The following FOCAD variants were observed in gnomAD, a reference collection of about 807,000 sequenced individuals.
FOCAD encodes the protein KIAA1797.
FOCAD carries 198 observed loss-of-function variants against 225.6 expected under a neutral mutation model. The ratio of observed to expected loss-of-function variants is 0.88; its 90% CI spans 0.78 to 0.99. FOCAD has a LOEUF of 0.99. Among genes scored for constraint, FOCAD ranks in the 50% least tolerant of loss-of-function variants. The pLI, the probability that FOCAD is intolerant of heterozygous loss-of-function variation, is 0.00. For missense variants in FOCAD, 2,713 were observed against 2,123.6 expected (o/e 1.28, Z -5.46); for synonymous variants, 897 against 755.0 (o/e 1.19, Z -3.08).
Position 20,884,931 on chromosome 9 carries a change from C to T in FOCAD, c.2504-178C>T, listed in dbSNP as rs576586587. 5.9e-5 allele frequency among the ~76,000 whole-genome samples: 9 copies of T among 152,028 alleles called. No homozygotes were observed. The South Asian group carries it at 1.2e-3, about 21-fold the overall frequency. On this transcript the variant is annotated intron_variant, in intron 20 of 43. Coordinates refer to ENST00000338382, the MANE Select transcript of FOCAD (RefSeq NM_001375567.1). ...AAAATTAGCCGGGCATGGTGGCACA[C>T]GCTTGTAGTCCCAGCTACTCAGGAG...
At position 20,916,873 on chromosome 9, in the gene FOCAD, AT is replaced by A; in HGVS notation, c.2808-16del. On this transcript the variant is annotated intron_variant, in intron 23 of 43. Coordinates refer to ENST00000338382, the MANE Select transcript of FOCAD (RefSeq NM_001375567.1). ...CTTGTTCTAACATAAACTCTCGTCT[AT>A]TTTCCATCTTTATTGCAGGGTTAGA... 1 of 1,594,332 alleles carries A rather than the reference AT, an allele frequency of 6.3e-7. No homozygotes were observed. Among genetic ancestry groups the A allele is most frequent in the Non-Finnish European group, 8.5e-7 (1 of 1,173,008 alleles).
intron 23 of FOCAD, among the ~76,000 whole-genome samples, chr9:20,914,436 A>C (rs1000428434): frequency 6.6e-6 from 1 of 152,184 alleles, no homozygotes; most frequent in East Asian, 1.9e-4. Context: ...CAGAGAGTGA[A>C]TGAGGCTTGA....
chr9:20,950,033 A>G (rs1048330703), intron 33 of FOCAD, among the ~76,000 whole-genome samples: 1 of 152,146 alleles, frequency 6.6e-6, no homozygotes, highest in South Asian at 2.1e-4. Context: ...GCACTAATTC[A>G]GATGTCCCTG....
At chr9:20,803,302 C>T (rs1043254487) in intron 11 of FOCAD, among the ~76,000 whole-genome samples, 1 of 152,072 alleles carries the variant, frequency 6.6e-6, no homozygotes, top group Non-Finnish European at 1.5e-5. Flanking sequence ...GGGACTTCAG[C>T]CTACCTTCTA....
At chr9:20,721,831 T>C (rs958893244) in intron 4 of FOCAD, among the ~76,000 whole-genome samples, 2 of 151,376 alleles carry the variant, frequency 1.3e-5, no homozygotes, top group Non-Finnish European at 2.9e-5. Context: ...TGTGTCTTTT[T>C]GGCACCTTGG....
intron 4 of FOCAD, among the ~76,000 whole-genome samples, chr9:20,739,108 TA>T (rs775187171): frequency 6.6e-6 from 1 of 151,930 alleles, no homozygotes; most frequent in African/African-American, 2.4e-5. Flanking sequence ...TTAAATGCCA[TA>T]AAAAAATACA....
chr9:20,846,804 A>G (rs1827158887), intron 15 of FOCAD, among the ~76,000 whole-genome samples: 4 of 152,140 alleles, frequency 2.6e-5, no homozygotes, highest in Admixed American at 2.6e-4. Flanking sequence ...AATGTAACAG[A>G]ATGTAATCTT....
intron 4 of FOCAD, among the ~76,000 whole-genome samples, chr9:20,735,568 T>A (rs571661711): frequency 1.3e-5 from 2 of 151,886 alleles, no homozygotes; most frequent in East Asian, 3.9e-4. Context: ...CAGGTTTGAG[T>A]GCTGTGGTGA....
Position 20,929,500 on chromosome 9 carries a change from C to T in FOCAD, c.3221C>T (p.Pro1074Leu), listed in dbSNP as rs1264369680. Residue 1074 changes from proline (P) to leucine (L), a missense_variant, in exon 27 of 44, where the codon CCT (proline) becomes CTT (leucine). Coordinates refer to ENST00000338382, the MANE Select transcript of FOCAD (RefSeq NM_001375567.1). ...CTGAACATGCTGACTGCCAGGTTACCTGGGAAACCAAGTGCTGATGAGTCT... is the reference window on the plus strand; with the variant it reads ...CTGAACATGCTGACTGCCAGGTTACTTGGGAAACCAAGTGCTGATGAGTCT... The part of the protein sequence containing the change: ...EILNMLTARL[P>L]GKPSADESQA... The T allele has an allele frequency of 1.9e-6, 3 of 1,614,090 alleles. No individual in the cohort carries two copies. The South Asian group carries it at 3.3e-5, about 18-fold the overall frequency.
At chr9:20,963,334 T>C (rs1838939846) in intron 35 of FOCAD, among the ~76,000 whole-genome samples, 1 of 152,186 alleles carries the variant, frequency 6.6e-6, no homozygotes, top group South Asian at 2.1e-4. Context: ...CTGGTGAAAG[T>C]TGTCCTGTCA....
intron 1 of FOCAD, among the ~76,000 whole-genome samples, chr9:20,708,509 T>G (rs1336920523): frequency 6.6e-6 from 1 of 152,142 alleles, no homozygotes; most frequent in Admixed American, 6.5e-5. Flanking sequence ...CTCACACCTG[T>G]AGTAATCCCA....
chr9:20,922,535 C>A (rs922383877), intron 24 of FOCAD, among the ~76,000 whole-genome samples: 2 of 152,160 alleles, frequency 1.3e-5, no homozygotes, highest in Admixed American at 1.3e-4. Flanking sequence ...CAATTTAATA[C>A]CCACTGACTC....
chr9:20,869,228 A>T (rs1829553111), intron 18 of FOCAD, among the ~76,000 whole-genome samples: 1 of 152,148 alleles, frequency 6.6e-6, no homozygotes, highest in Non-Finnish European at 1.5e-5. Context: ...GTTTACACAC[A>T]AGACTTAAGG....
chr9:20,667,319 T>C (rs1286453887), intron 2 of FOCAD, among the ~76,000 whole-genome samples: 1 of 152,202 alleles, frequency 6.6e-6, no homozygotes, highest in Non-Finnish European at 1.5e-5. Context: ...AATAATCCAC[T>C]CGTTTATTTG....
intron 2 of FOCAD, among the ~76,000 whole-genome samples, chr9:20,670,996 G>A (rs781219807): frequency 6.6e-6 from 1 of 152,154 alleles, no homozygotes; most frequent in Non-Finnish European, 1.5e-5. Flanking sequence ...AATACTAACT[G>A]TATAAGAGAC....
At chr9:20,982,476 C>G in intron 39 of FOCAD, 30 bp downstream of exon 39, 1 of 1,535,556 alleles carries the variant, frequency 6.5e-7, no homozygotes, top group Non-Finnish European at 9.0e-7. Flanking sequence ...TACCTTTTTT[C>G]ATTATTGAGC....
At chr9:20,764,753 C>T (rs778516848) in intron 6 of FOCAD, 116 bp from the exon 7 acceptor site, 1 of 795,062 alleles carries the variant, frequency 1.3e-6, no homozygotes, top group Non-Finnish European at 2.1e-6. Context: ...AAAGAAGTTA[C>T]ACTTGATGAT....
intron 4 of FOCAD, among the ~76,000 whole-genome samples, chr9:20,727,643 T>C (rs1209744500): frequency 6.6e-6 from 1 of 152,254 alleles, no homozygotes; most frequent in African/African-American, 2.4e-5. Context: ...AGTTTTCTCA[T>C]ATAGTTTTAT....
chr9:20,905,395 A>G (rs1832871261), intron 21 of FOCAD, among the ~76,000 whole-genome samples: 1 of 152,028 alleles, frequency 6.6e-6, no homozygotes, highest in Non-Finnish European at 1.5e-5. Flanking sequence ...ACTCAAGTTT[A>G]AAAAGCATTT....
Sources: gnomAD v4.1 joint callset for allele counts (sites outside exome capture counted in the v4.1 genomes callset) on GRCh38, gnomAD v4.1.1 for gene constraint, MANE v1.5 for transcripts, NCBI Gene and HGNC (gene_info 2026-07-23, HGNC 2026-07-21) for gene names.